Variants in WDR37 observed in about 807,000 individuals in gnomAD.
WDR37 encodes the protein WD repeat domain 37, also known as WD repeat-containing protein 37.
WDR37 carries 19 observed loss-of-function variants against 62.9 expected under a neutral mutation model. The ratio of observed to expected loss-of-function variants is 0.30; its 90% CI spans 0.21 to 0.44. The LOEUF (loss-of-function observed/expected upper bound fraction) is 0.44. Ranked by LOEUF, WDR37 falls within the 20% of genes least tolerant of loss-of-function variation. WDR37 has a pLI of 1.00. For synonymous variants in WDR37, 250 were observed against 260.9 expected, an observed-to-expected ratio of 0.96 and a Z score of 0.40; for missense variants, 474 against 657.6, an observed-to-expected ratio of 0.72 and a Z score of 3.05.
rs79521320 is a variant in WDR37 at position 1,127,212 on chromosome 10, G to A, written c.1354-2001G>A. 3.5e-3 allele frequency among the ~76,000 whole-genome samples: 527 copies of A among 152,322 alleles called. 4 individuals are homozygous for A. Among genetic ancestry groups the A allele is most frequent in the African/African-American group, 0.011 (469 of 41,568 alleles). ...TGAGAGTATTTTCCCTCAGAAAAAC[G>A]GAATTCTGAATGGTTCTTCTTGGCC... On this transcript the variant is annotated intron_variant, in intron 13 of 13. Transcript: ENST00000263150.
intron 9 of WDR37, among the ~76,000 whole-genome samples, chr10:1,097,032 A>T (rs1276850697): frequency 6.6e-6 from 1 of 152,232 alleles, no homozygotes; most frequent in Non-Finnish European, 1.5e-5. Context: ...TCATTACAAA[A>T]TGGCTGAGGA....
chr10:1,073,695 A>G (rs1009705861), intron 2 of WDR37, among the ~76,000 whole-genome samples: 1 of 152,200 alleles, frequency 6.6e-6, no homozygotes, highest in African/African-American at 2.4e-5. Context: ...TGGAAGTCCT[A>G]GATCAAGGTG....
chr10:1,118,949 AT>A (rs1835488112), intron 11 of WDR37, among the ~76,000 whole-genome samples: 1 of 152,142 alleles, frequency 6.6e-6, no homozygotes, highest in African/African-American at 2.4e-5. Flanking sequence ...AATCCCACTG[AT>A]TTCTCTTACT....
At chr10:1,118,945 A>T (rs1564512520) in intron 11 of WDR37, among the ~76,000 whole-genome samples, 2 of 152,164 alleles carry the variant, frequency 1.3e-5, no homozygotes, top group African/African-American at 4.8e-5. Flanking sequence ...ACTCAATCCC[A>T]CTGATTTCTC....
chr10:1,070,491 T>C (rs1833694060), intron 1 of WDR37, among the ~76,000 whole-genome samples: 1 of 152,164 alleles, frequency 6.6e-6, no homozygotes, highest in Non-Finnish European at 1.5e-5. Context: ...AAGAGATATT[T>C]AGAAAAATGC....
intron 9 of WDR37, among the ~76,000 whole-genome samples, chr10:1,102,596 G>A (rs563886616): frequency 6.6e-6 from 1 of 152,174 alleles, no homozygotes; most frequent in African/African-American, 2.4e-5. Context: ...GGGGCGGGGG[G>A]TGCCCCACAT....
intron 1 of WDR37, among the ~76,000 whole-genome samples, chr10:1,068,926 GC>G (rs1233283938): frequency 1.3e-5 from 2 of 152,250 alleles, no homozygotes; most frequent in Non-Finnish European, 2.9e-5. Flanking sequence ...AGTGAAAGAA[GC>G]TGGTTGTCAC....
chr10:1,082,861 G>C (rs1564501134), intron 5 of WDR37, among the ~76,000 whole-genome samples: 3 of 152,194 alleles, frequency 2.0e-5, no homozygotes, highest in South Asian at 4.1e-4. Flanking sequence ...AATGGAGCAG[G>C]TGAAGAATGT....
chr10:1,097,989 T>G (rs537241436), intron 9 of WDR37, among the ~76,000 whole-genome samples: 1 of 152,166 alleles, frequency 6.6e-6, no homozygotes, highest in Non-Finnish European at 1.5e-5. Flanking sequence ...CTTCACACCT[T>G]AGCGCTGATG....
At chr10:1,125,312 A>G (rs1266359985) in intron 13 of WDR37, among the ~76,000 whole-genome samples, 1 of 152,044 alleles carries the variant, frequency 6.6e-6, no homozygotes, top group Non-Finnish European at 1.5e-5. Flanking sequence ...CCCAGGTTCA[A>G]GCAATTCTTC....
chr10:1,105,162 C>T lies in WDR37; in HGVS notation c.998C>T (p.Pro333Leu), dbSNP rs1418786852. Reference sequence around the variant, plus strand: ...GAGTTGACGCACTGCTGCACACACCCCACCCAGCGGCTCGTGGTGACCTCC... The same window carrying T: ...GAGTTGACGCACTGCTGCACACACCTCACCCAGCGGCTCGTGGTGACCTCC... ...DQELTHCCTH[P>L]TQRLVVTSSR... Residue 333 changes from proline to leucine, a missense_variant, in exon 11 of 14, where the codon CCC becomes CTC. Coordinates refer to ENST00000263150, the MANE Select transcript of WDR37 (RefSeq NM_014023.4). The surrounding 1 kb of genome is among the most constrained non-coding windows in gnomAD (Gnocchi z 5.3). The T allele has an allele frequency of 1.9e-6, 3 of 1,614,178 alleles. No homozygotes were observed. Among genetic ancestry groups the T allele is most frequent in the Non-Finnish European group, 2.5e-6 (3 of 1,180,032 alleles).
chr10:1,094,106 G>A (rs1271940663), intron 8 of WDR37, among the ~76,000 whole-genome samples: 1 of 152,194 alleles, frequency 6.6e-6, no homozygotes, highest in Non-Finnish European at 1.5e-5. Context: ...CTCGAAGGAT[G>A]TGTGTAGGCT....
chr10:1,072,073 A>T, intron 1 of WDR37, 43 bp from the exon 2 acceptor site: 1 of 1,505,196 alleles, frequency 6.6e-7, no homozygotes, highest in Non-Finnish European at 9.0e-7. Flanking sequence ...CTTTTGTTTC[A>T]ACTCGCTGTA....
intron 11 of WDR37, among the ~76,000 whole-genome samples, chr10:1,111,753 A>C (rs1042388455): frequency 5.9e-5 from 9 of 152,224 alleles, no homozygotes; most frequent in African/African-American, 1.9e-4. Context: ...CCCAGCGTGT[A>C]CTGATTTATA....
At chr10:1,101,822 CAG>C (rs977861841) in intron 9 of WDR37, among the ~76,000 whole-genome samples, 7 of 152,350 alleles carry the variant, frequency 4.6e-5, no homozygotes, top group South Asian at 4.1e-4. Context: ...GCGACCTCAT[CAG>C]AGAGTCCCTC....
At chr10:1,069,389 A>ATATATTTTTTTTTTTTTTTTTT in intron 1 of WDR37, among the ~76,000 whole-genome samples, 3 of 95,780 alleles carry the variant, frequency 3.1e-5, no homozygotes, top group Admixed American at 2.4e-4. Context: ...ATATATATAT[A>ATATATTTTTTTTTTTTTTTTTT]TTTTTTTTTT....
intron 1 of WDR37, among the ~76,000 whole-genome samples, chr10:1,057,217 C>T (rs1833212118): frequency 6.6e-6 from 1 of 150,598 alleles, no homozygotes; most frequent in Non-Finnish European, 1.5e-5. Flanking sequence ...GAAGTCGGGG[C>T]GCAGGAGTAG....
chr10:1,092,323 C>G (rs980992497), intron 7 of WDR37, among the ~76,000 whole-genome samples: 2 of 152,004 alleles, frequency 1.3e-5, no homozygotes, highest in African/African-American at 4.8e-5. Context: ...AAGACCCGGT[C>G]TCTACTAAAA....
intron 1 of WDR37, among the ~76,000 whole-genome samples, chr10:1,067,495 G>A (rs1468222673): frequency 6.6e-6 from 1 of 152,198 alleles, no homozygotes; most frequent in Non-Finnish European, 1.5e-5. Context: ...CAGATTGGGA[G>A]AAATGATTTG....
Sources: allele counts gnomAD v4.1 joint callset (sites outside exome capture counted in the v4.1 genomes callset), GRCh38; gene constraint gnomAD v4.1.1; non-coding constraint Gnocchi (gnomAD v3.1); transcripts MANE v1.5; gene names NCBI Gene and HGNC (gene_info 2026-07-23, HGNC 2026-07-21).